TNRC6A: variants seen among roughly 807,000 people sequenced by gnomAD.
TNRC6A encodes the protein trinucleotide repeat-containing gene 6A protein.
In TNRC6A, 44 loss-of-function variants were observed where a neutral mutation model predicts 221.2. The ratio of observed to expected loss-of-function variants is 0.20; its 90% CI spans 0.16 to 0.26. TNRC6A has a LOEUF of 0.26. Among genes scored for constraint, TNRC6A ranks in the 10% least tolerant of loss-of-function variants. TNRC6A has a pLI of 1.00. For missense variants in TNRC6A, 2,199 were observed against 2,404.4 expected (o/e 0.91, Z 1.79); for synonymous variants, 847 against 838.5 (o/e 1.01, Z -0.18).
intron 1 of TNRC6A, among the ~76,000 whole-genome samples, chr16:24,639,433 C>T (rs975887211): frequency 3.3e-5 from 5 of 152,048 alleles, no homozygotes; most frequent in Non-Finnish European, 5.9e-5. Context: ...TTGGAGGCTG[C>T]AGTGAGCTAT....
intron 4 of TNRC6A, among the ~76,000 whole-genome samples, chr16:24,775,529 T>A (rs2057701008): frequency 1.3e-5 from 2 of 151,718 alleles, no homozygotes; most frequent in South Asian, 4.2e-4. Context: ...GAGCTGAGAG[T>A]GTGGAAGAGG....
At chr16:24,614,835 C>A (rs928192626) in intron 1 of TNRC6A, among the ~76,000 whole-genome samples, 1 of 152,174 alleles carries the variant, frequency 6.6e-6, no homozygotes, top group Non-Finnish European at 1.5e-5. Context: ...TTTGGGAGAA[C>A]GAGGCAGGTG....
At chr16:24,822,187 G>C (rs777278145) in intron 23 of TNRC6A, 40 bp downstream of exon 23, 1 of 1,598,092 alleles carries the variant, frequency 6.3e-7, no homozygotes, top group East Asian at 2.2e-5. Flanking sequence ...GGCTACGCCA[G>C]GGAGCATGGG....
At chr16:24,763,171 G>A (rs1233014244) in intron 4 of TNRC6A, among the ~76,000 whole-genome samples, 2 of 152,134 alleles carry the variant, frequency 1.3e-5, no homozygotes, top group Non-Finnish European at 2.9e-5. Flanking sequence ...TGATCTCTAT[G>A]CAGTAAACAC....
At chr16:24,735,059 A>C (rs1187089952) in intron 2 of TNRC6A, among the ~76,000 whole-genome samples, 1 of 152,160 alleles carries the variant, frequency 6.6e-6, no homozygotes, top group South Asian at 2.1e-4. Context: ...AGGCACGTGG[A>C]TCATTTGAGG....
At chr16:24,675,694 CTCTCTCTCTATATATATATATATATATA>C (rs1404601738) in intron 2 of TNRC6A, among the ~76,000 whole-genome samples, 496 of 81,100 alleles carry the variant, frequency 6.1e-3, no homozygotes, top group South Asian at 0.019. Flanking sequence ...CTCTCTCTCT[CTCTCTCTCTATATATATATATATATATA>C]TATATATATA....
chr16:24,682,970 A>G (rs2055561532), intron 2 of TNRC6A, among the ~76,000 whole-genome samples: 1 of 152,154 alleles, frequency 6.6e-6, no homozygotes, highest in African/African-American at 2.4e-5. Flanking sequence ...TTTACATTCT[A>G]ATGGAAAACT....
chr16:24,765,284 A>C (rs778266365), intron 4 of TNRC6A, among the ~76,000 whole-genome samples: 10 of 152,338 alleles, frequency 6.6e-5, no homozygotes, highest in Non-Finnish European at 1.2e-4. Context: ...TTGTAACTTC[A>C]AGCATGTAAC....
At position 24,634,197 on chromosome 16, in the gene TNRC6A, T is replaced by TG. The variant is rs1901503055; in HGVS notation, n.277-6684dup. 2.6e-5 allele frequency among the ~76,000 whole-genome samples: 4 copies of TG among 152,168 alleles called. 1 individual carries two copies. In the South Asian group the frequency reaches 8.3e-4, roughly 32 times the overall value. ...GTTCAGGCCTGTAATCCCAGCACTTTGGGAGGTTTGCTTGAGCTCAGGAGT... is the reference window on the plus strand; with the variant it reads ...GTTCAGGCCTGTAATCCCAGCACTTTGGGGAGGTTTGCTTGAGCTCAGGAGT... On this transcript the variant is annotated intron_variant and non_coding_transcript_variant, in intron 1 of 2. Transcript: ENST00000566108.
intron 2 of TNRC6A, among the ~76,000 whole-genome samples, chr16:24,683,481 G>GCCA (rs2055571363): frequency 6.6e-6 from 1 of 152,172 alleles, no homozygotes; most frequent in African/African-American, 2.4e-5. Flanking sequence ...ACAGGCATGA[G>GCCA]CCACCGTGCC....
chr16:24,794,769 T>G (rs1365926643), intron 8 of TNRC6A, 50 bp downstream of exon 8: 1 of 1,549,766 alleles, frequency 6.5e-7, no homozygotes. Flanking sequence ...CCAAAGGTAG[T>G]TTACCCACAG....
chr16:24,748,965 C>A (rs971262640), intron 2 of TNRC6A, among the ~76,000 whole-genome samples: 1 of 152,158 alleles, frequency 6.6e-6, no homozygotes, highest in African/African-American at 2.4e-5. Flanking sequence ...AGCTCCACCT[C>A]CCAGTTTCAC....
chr16:24,793,571 G>A lies in TNRC6A; in HGVS notation c.3274G>A (p.Gly1092Arg). Residue 1092 changes from glycine to arginine, a missense_variant, in exon 7 of 25, where the codon GGG becomes AGG. Transcript: ENST00000395799. ...GKPIDSGPSW[G>R]EPIAAASSTS... The stretch of plus-strand genomic sequence containing the variant: ...GCCCATAGACAGTGGTCCCAGCTGG[G>A]GGGAACCCATTGCTGCGGCATCCAG... The A allele has an allele frequency of 1.3e-6, 2 of 1,570,926 alleles. No homozygotes were observed. Among genetic ancestry groups the A allele is most frequent in the Non-Finnish European group, 1.7e-6 (2 of 1,157,612 alleles).
At chr16:24,720,202 C>G (rs537829527) in intron 2 of TNRC6A, among the ~76,000 whole-genome samples, 1 of 152,260 alleles carries the variant, frequency 6.6e-6, no homozygotes, top group South Asian at 2.1e-4. Context: ...AGAAAAATTA[C>G]CACTCTGGCC....
intron 1 of TNRC6A, among the ~76,000 whole-genome samples, chr16:24,616,218 C>G (rs1263071251): frequency 6.6e-6 from 1 of 150,642 alleles, no homozygotes; most frequent in Non-Finnish European, 1.5e-5. Flanking sequence ...CCCAGCTACT[C>G]AGGAGGCTGA....
chr16:24,816,765 A>T, intron 19 of TNRC6A, 51 bp from the exon 20 acceptor site: 1 of 1,569,846 alleles, frequency 6.4e-7, no homozygotes, highest in Non-Finnish European at 8.6e-7. Context: ...TTATTAATGG[A>T]TTTTAAAATG....
chr16:24,703,218 C>T (rs984404318), intron 2 of TNRC6A, among the ~76,000 whole-genome samples: 1 of 152,042 alleles, frequency 6.6e-6, no homozygotes, highest in African/African-American at 2.4e-5. Context: ...TCACTCCCGG[C>T]CCCCAGCAAC....
At chr16:24,773,975 C>T (rs1347794928) in intron 4 of TNRC6A, among the ~76,000 whole-genome samples, 1 of 152,016 alleles carries the variant, frequency 6.6e-6, no homozygotes, top group African/African-American at 2.4e-5. Context: ...GAACTTAACC[C>T]ATTCACATTT....
At chr16:24,738,664 C>G (rs537413844) in intron 2 of TNRC6A, among the ~76,000 whole-genome samples, 196 of 152,236 alleles carry the variant, frequency 1.3e-3, no homozygotes, top group Non-Finnish European at 2.3e-3. Flanking sequence ...ATGGCTATTG[C>G]CCATTTTGTT....
Sources: allele counts gnomAD v4.1 joint callset (sites outside exome capture counted in the v4.1 genomes callset), GRCh38; gene constraint gnomAD v4.1.1; transcripts MANE v1.5; gene names NCBI Gene and HGNC (gene_info 2026-07-23, HGNC 2026-07-21).